Variants in CNTN5 observed in about 807,000 individuals in gnomAD.
The protein encoded by CNTN5 is contactin 5.
Under a neutral mutation model 129.1 loss-of-function variants are expected in CNTN5, and 77 were observed. That is an observed-to-expected ratio of 0.60 (90% CI 0.50 to 0.72). The LOEUF (loss-of-function observed/expected upper bound fraction) is 0.72. Among genes scored for constraint, CNTN5 ranks in the 30% least tolerant of loss-of-function variants. CNTN5 has a pLI of 0.00. For missense variants in CNTN5, 1,478 were observed against 1,328.8 expected, an observed-to-expected ratio of 1.11 and a Z score of -1.75; for synonymous variants, 509 against 465.6, an observed-to-expected ratio of 1.09 and a Z score of -1.20.
At chr11:100,320,289 T>C (rs764592110) in intron 21 of CNTN5, among the ~76,000 whole-genome samples, 109 of 152,196 alleles carry the variant, frequency 7.2e-4, no homozygotes, top group Non-Finnish European at 5.7e-4. Context: ...ATTTCCCTGA[T>C]GATTAGTGAG....
chr11:99,630,909 G>T (rs1325797116), intron 3 of CNTN5, among the ~76,000 whole-genome samples: 1 of 152,132 alleles, frequency 6.6e-6, no homozygotes, highest in Non-Finnish European at 1.5e-5. Context: ...GAAAAGCACC[G>T]TGGACTGTTA....
chr11:100,104,960 G>C (rs1166453671), intron 13 of CNTN5, among the ~76,000 whole-genome samples: 1 of 152,146 alleles, frequency 6.6e-6, no homozygotes, highest in African/African-American at 2.4e-5. Context: ...GAGAGAGGCT[G>C]CTTTTCATTA....
chr11:99,418,041 A>C (rs1171768373), intron 2 of CNTN5, among the ~76,000 whole-genome samples: 1 of 152,148 alleles, frequency 6.6e-6, no homozygotes, highest in East Asian at 1.9e-4. Context: ...TAAACTGCTC[A>C]AGGTTTTTAA....
chr11:99,803,735 T>C (rs2135489483), intron 3 of CNTN5, among the ~76,000 whole-genome samples: 1 of 152,250 alleles, frequency 6.6e-6, no homozygotes, highest in South Asian at 2.1e-4. Context: ...ATTGGAAAGG[T>C]GAATCACAGA....
intron 2 of CNTN5, among the ~76,000 whole-genome samples, chr11:99,497,489 A>G (rs924681394): frequency 6.6e-6 from 1 of 152,192 alleles, no homozygotes; most frequent in Non-Finnish European, 1.5e-5. Flanking sequence ...GGCAAAACCC[A>G]GAAAGAAAAC....
chr11:99,980,285 A>G (rs1331411329), intron 8 of CNTN5, among the ~76,000 whole-genome samples: 1 of 152,228 alleles, frequency 6.6e-6, no homozygotes, highest in Non-Finnish European at 1.5e-5. Context: ...TTCATAGATT[A>G]TATGTGAATG....
At chr11:100,119,748 G>C (rs1019425011) in intron 13 of CNTN5, among the ~76,000 whole-genome samples, 1 of 151,820 alleles carries the variant, frequency 6.6e-6, no homozygotes, top group African/African-American at 2.4e-5. Context: ...AGAGATCAAA[G>C]ATAAACTTGA....
intron 1 of CNTN5, among the ~76,000 whole-genome samples, chr11:99,238,322 G>A (rs962248497): frequency 1.3e-5 from 2 of 152,020 alleles, no homozygotes; most frequent in African/African-American, 4.8e-5. Flanking sequence ...AAAAAACATG[G>A]GGCGTTTGAC....
intron 1 of CNTN5, among the ~76,000 whole-genome samples, chr11:99,112,798 G>A (rs1857858934): frequency 6.6e-6 from 1 of 151,898 alleles, no homozygotes; most frequent in Non-Finnish European, 1.5e-5. Flanking sequence ...TTTAGCAGAT[G>A]GTAATCACTG....
chr11:99,888,648 T>G (rs551297965), intron 6 of CNTN5, among the ~76,000 whole-genome samples: 11 of 152,318 alleles, frequency 7.2e-5, no homozygotes, highest in Non-Finnish European at 1.6e-4. Flanking sequence ...ATTGATTCAT[T>G]CTTGGTAGTG....
intron 2 of CNTN5, among the ~76,000 whole-genome samples, chr11:99,434,826 T>C (rs1259091446): frequency 6.6e-6 from 1 of 152,204 alleles, no homozygotes; most frequent in Non-Finnish European, 1.5e-5. Flanking sequence ...ATGCTAGGCA[T>C]GTTGTTTTGA....
At chr11:99,935,338 C>A (rs940554226) in intron 7 of CNTN5, among the ~76,000 whole-genome samples, 4 of 151,896 alleles carry the variant, frequency 2.6e-5, no homozygotes, top group African/African-American at 9.7e-5. Flanking sequence ...TAGTTTATTA[C>A]ATATAATACA....
chr11:100,027,501 G>C (rs1416436891), intron 9 of CNTN5, among the ~76,000 whole-genome samples: 1 of 152,176 alleles, frequency 6.6e-6, no homozygotes, highest in Admixed American at 6.5e-5. Context: ...TTCCTGGCCT[G>C]TATAAATTCT....
At chr11:99,968,486 A>G (rs780608045) in intron 8 of CNTN5, among the ~76,000 whole-genome samples, 6 of 152,010 alleles carry the variant, frequency 3.9e-5, no homozygotes, top group Non-Finnish European at 5.9e-5. Context: ...ACCTAATTAC[A>G]TTAGGTAATT....
intron 8 of CNTN5, among the ~76,000 whole-genome samples, chr11:99,993,548 A>G (rs1939259231): frequency 6.6e-6 from 1 of 152,134 alleles, no homozygotes; most frequent in African/African-American, 2.4e-5. Context: ...TCTCATAAGG[A>G]TTATGCAGCC....
At chr11:99,236,286 G>A (rs4350331) in intron 1 of CNTN5, among the ~76,000 whole-genome samples, 128,351 of 152,138 alleles carry the variant, frequency 0.84, 54,276 homozygotes, top group East Asian at 0.93. Flanking sequence ...TTATCTCCTT[G>A]AATGTTCCCT....
chr11:99,039,683 A>C (rs1212274107), intron 1 of CNTN5, among the ~76,000 whole-genome samples: 2 of 152,134 alleles, frequency 1.3e-5, no homozygotes, highest in Non-Finnish European at 2.9e-5. Flanking sequence ...CAGTTGCTTA[A>C]CAAGGGAAAG....
chr11:99,772,065 T>G (rs566559595), intron 3 of CNTN5, among the ~76,000 whole-genome samples: 94 of 78,180 alleles, frequency 1.2e-3, no homozygotes, highest in Admixed American at 4.9e-3. Context: ...TAGAAACTTC[T>G]GAGGTATTTT....
At chr11:100,134,871 A>G (rs1412796176) in intron 13 of CNTN5, among the ~76,000 whole-genome samples, 1 of 152,140 alleles carries the variant, frequency 6.6e-6, no homozygotes, top group African/African-American at 2.4e-5. Context: ...TGTTTTCTGC[A>G]CTACTCCAAA....
Sources: gnomAD v4.1 joint callset for allele counts (sites outside exome capture counted in the v4.1 genomes callset) on GRCh38, gnomAD v4.1.1 for gene constraint, MANE v1.5 for transcripts, NCBI Gene and HGNC (gene_info 2026-07-23, HGNC 2026-07-21) for gene names.